PDE3B: variants seen among roughly 807,000 people sequenced by gnomAD.
The protein encoded by PDE3B is cGMP-inhibited 3',5'-cyclic phosphodiesterase 3B.
Under a neutral mutation model 116.8 loss-of-function variants are expected in PDE3B, and 66 were observed. The ratio of observed to expected loss-of-function variants is 0.56; its 90% CI spans 0.46 to 0.69. The LOEUF is 0.69. PDE3B is among the 30% of genes least tolerant of loss of function. The probability of loss-of-function intolerance (pLI) is 0.00; values close to 1 mark genes in which losing one functional copy is unlikely to be tolerated. For missense variants in PDE3B, 1,384 were observed against 1,368.1 expected (o/e 1.01, Z -0.18); for synonymous variants, 595 against 533.6 (o/e 1.12, Z -1.59).
intron 1 of PDE3B, among the ~76,000 whole-genome samples, chr11:14,718,615 T>A (rs1465644465): frequency 1.3e-5 from 2 of 149,510 alleles, no homozygotes; most frequent in Non-Finnish European, 1.5e-5. Context: ...GGATTAAGAA[T>A]CTCACTCAAA....
chr11:14,721,316 A>G (rs1259797450), intron 1 of PDE3B, among the ~76,000 whole-genome samples: 1 of 152,072 alleles, frequency 6.6e-6, no homozygotes. Context: ...ACACTTTTAC[A>G]CTGTTGGTGG....
At chr11:14,837,364 C>G (rs575552921) in intron 11 of PDE3B, among the ~76,000 whole-genome samples, 2 of 152,184 alleles carry the variant, frequency 1.3e-5, no homozygotes, top group Non-Finnish European at 2.9e-5. Context: ...TTTCTTTTTC[C>G]TCTCATATTT....
intron 1 of PDE3B, among the ~76,000 whole-genome samples, chr11:14,724,221 A>C (rs1724946133): frequency 6.6e-6 from 1 of 152,172 alleles, no homozygotes; most frequent in Non-Finnish European, 1.5e-5. Context: ...GGGGTTGGGG[A>C]GAAGGCATTG....
intron 4 of PDE3B, among the ~76,000 whole-genome samples, chr11:14,792,054 CTA>C (rs1304430394): frequency 6.6e-6 from 1 of 151,976 alleles, no homozygotes; most frequent in African/African-American, 2.4e-5. Context: ...AGAGAGCTGA[CTA>C]TGTATAGTTT....
At chr11:14,684,266 A>C (rs578066398) in intron 1 of PDE3B, among the ~76,000 whole-genome samples, 141 of 152,332 alleles carry the variant, frequency 9.3e-4, no homozygotes, top group African/African-American at 3.2e-3. Flanking sequence ...AAGAGAAAGT[A>C]CAAAGAGAGG....
At chr11:14,827,991 A>G (rs1859754134) in intron 7 of PDE3B, among the ~76,000 whole-genome samples, 1 of 152,228 alleles carries the variant, frequency 6.6e-6, no homozygotes. Context: ...GACAGAATAG[A>G]GAGCCCAGAA....
intron 1 of PDE3B, among the ~76,000 whole-genome samples, chr11:14,660,695 T>C (rs1417464414): frequency 6.6e-6 from 1 of 152,170 alleles, no homozygotes; most frequent in Non-Finnish European, 1.5e-5. Context: ...TCTTTAGGGC[T>C]AATAGGAATA....
intron 12 of PDE3B, among the ~76,000 whole-genome samples, chr11:14,857,886 A>C (rs1230047444): frequency 6.6e-6 from 1 of 152,226 alleles, no homozygotes; most frequent in Non-Finnish European, 1.5e-5. Context: ...AGCATGAATT[A>C]GTCAAATCAT....
intron 1 of PDE3B, among the ~76,000 whole-genome samples, chr11:14,657,745 T>C (rs564331289): frequency 1.1e-4 from 16 of 152,310 alleles, no homozygotes; most frequent in Non-Finnish European, 1.6e-4. Flanking sequence ...CTTAGGAGTT[T>C]AATGTAAGAT....
At chr11:14,734,523 A>G (rs1056682134) in intron 1 of PDE3B, among the ~76,000 whole-genome samples, 2 of 152,146 alleles carry the variant, frequency 1.3e-5, no homozygotes, top group African/African-American at 4.8e-5. Context: ...CTGATTGTGT[A>G]AAGTTAGCAC....
At chr11:14,878,195 A>G in the PDE3B span, 1 of 1,613,330 alleles carries the variant, frequency 6.2e-7, no homozygotes, top group African/African-American at 1.3e-5. Flanking sequence ...CAGATCTGGA[A>G]CTAGTTCATG....
chr11:14,655,069 A>G (rs1565074879), intron 1 of PDE3B, among the ~76,000 whole-genome samples: 1 of 152,226 alleles, frequency 6.6e-6, no homozygotes, highest in Non-Finnish European at 1.5e-5. Context: ...AACTTTGTTA[A>G]AAGAATATAA....
chr11:14,772,071 T>TA (rs749878635), intron 2 of PDE3B, 84 bp downstream of exon 2: 1 of 651,132 alleles, frequency 1.5e-6, no homozygotes. Flanking sequence ...TTTTGACACT[T>TA]AAAGTTACAC....
Position 14,707,445 on chromosome 11 carries a change from G to T in PDE3B, c.978+62392G>T, listed in dbSNP as rs560803932. Among the ~76,000 whole-genome samples the T allele has an allele frequency of 9.1e-4, 138 of 152,138 alleles. 3 individuals are homozygous for T. In the South Asian group the frequency reaches 0.028, roughly 31 times the overall value. ...TTGGGCATCATTTCTTACTGAGTCT[G>T]TGAAGCTTGATGCCGTAAGCAAAGA... is the stretch of plus-strand genomic sequence containing the variant. On this transcript the variant is annotated intron_variant, in intron 1 of 15. Transcript: ENST00000282096.
intron 1 of PDE3B, among the ~76,000 whole-genome samples, chr11:14,652,601 G>A (rs1035867600): frequency 5.9e-5 from 9 of 152,124 alleles, no homozygotes; most frequent in Admixed American, 5.2e-4. Context: ...GTTCAGTGGT[G>A]TTAAGTATAT....
intron 1 of PDE3B, among the ~76,000 whole-genome samples, chr11:14,764,381 A>G (rs868358177): frequency 3.3e-5 from 5 of 152,112 alleles, no homozygotes; most frequent in Admixed American, 1.3e-4. Flanking sequence ...CCTAGGGTCC[A>G]GAGAAGGGCA....
chr11:14,812,409 C>T (rs748672523), intron 5 of PDE3B, among the ~76,000 whole-genome samples: 2 of 152,082 alleles, frequency 1.3e-5, no homozygotes, highest in Middle Eastern at 6.8e-3. Context: ...CAATGAAAAT[C>T]AGAAAATATT....
intron 1 of PDE3B, among the ~76,000 whole-genome samples, chr11:14,696,424 G>A (rs1489298394): frequency 6.6e-6 from 1 of 152,158 alleles, no homozygotes; most frequent in African/African-American, 2.4e-5. Flanking sequence ...CATTAGGTGA[G>A]AGTTTCATTT....
intron 5 of PDE3B, among the ~76,000 whole-genome samples, chr11:14,817,042 G>T (rs973522110): frequency 2.0e-5 from 3 of 152,262 alleles, no homozygotes; most frequent in Non-Finnish European, 4.4e-5. Context: ...CAACCCAAAT[G>T]TCCATCAGTG....
Sources: allele counts gnomAD v4.1 joint callset (sites outside exome capture counted in the v4.1 genomes callset), GRCh38; gene constraint gnomAD v4.1.1; transcripts MANE v1.5; gene names NCBI Gene and HGNC (gene_info 2026-07-23, HGNC 2026-07-21).